RXRA: variants seen among roughly 807,000 people sequenced by gnomAD.
RXRA encodes retinoic acid receptor RXR-alpha.
A neutral mutation model predicts 44.5 loss-of-function variants in RXRA; 5 were observed. That is an observed-to-expected ratio of 0.11 (90% CI 0.06 to 0.24). The LOEUF is 0.24. Ranked by LOEUF, RXRA falls within the 10% of genes least tolerant of loss-of-function variation. The pLI is 1.00. For missense variants in RXRA, 412 were observed against 646.5 expected, an observed-to-expected ratio of 0.64 and a Z score of 3.93; for synonymous variants, 291 against 271.4, an observed-to-expected ratio of 1.07 and a Z score of -0.71.
At chr9:134,333,848 G>A (rs578085668) in intron 1 of RXRA, among the ~76,000 whole-genome samples, 1 of 152,292 alleles carries the variant, frequency 6.6e-6, no homozygotes, top group South Asian at 2.1e-4. Flanking sequence ...GGGCGCTCTC[G>A]GGCCTGGGCA....
intron 1 of RXRA, among the ~76,000 whole-genome samples, chr9:134,388,424 GT>G (rs1179442086): frequency 6.6e-6 from 1 of 152,220 alleles, no homozygotes; most frequent in Non-Finnish European, 1.5e-5. Flanking sequence ...TTGGGATGTT[GT>G]TCTGCTCTCA....
At chr9:134,413,894 C>T (rs1001682564) in intron 4 of RXRA, among the ~76,000 whole-genome samples, 2 of 152,154 alleles carry the variant, frequency 1.3e-5, no homozygotes, top group Non-Finnish European at 2.9e-5. Flanking sequence ...GACTGGGCTG[C>T]GGTGTGTGAG....
At chr9:134,380,339 G>A (rs1044605423) in intron 1 of RXRA, among the ~76,000 whole-genome samples, 2 of 152,102 alleles carry the variant, frequency 1.3e-5, no homozygotes, top group African/African-American at 4.8e-5. Context: ...GGTCCTGCCC[G>A]GGTTCTCCTG....
At chr9:134,336,959 C>G (rs1830016855) in intron 1 of RXRA, among the ~76,000 whole-genome samples, 2 of 152,218 alleles carry the variant, frequency 1.3e-5, no homozygotes, top group Admixed American at 1.3e-4. Flanking sequence ...GGGTCTGGGA[C>G]TGTCCTCGAG....
intron 1 of RXRA, among the ~76,000 whole-genome samples, chr9:134,333,238 C>G (rs1224635399): frequency 1.3e-5 from 2 of 152,164 alleles, no homozygotes; most frequent in East Asian, 1.9e-4. Context: ...CTGCACAGCC[C>G]ACATCTGTCT....
chr9:134,396,489 T>C (rs1259551870), intron 1 of RXRA, among the ~76,000 whole-genome samples: 1 of 152,036 alleles, frequency 6.6e-6, no homozygotes, highest in East Asian at 1.9e-4. Flanking sequence ...TGCTAGCTGC[T>C]TGCAACGGGG....
chr9:134,410,320 C>T (rs1464254776), intron 4 of RXRA, among the ~76,000 whole-genome samples: 6 of 152,188 alleles, frequency 3.9e-5, no homozygotes, highest in African/African-American at 9.7e-5. Context: ...GGAGTGCTGA[C>T]GTTTGCTCAG....
intron 8 of RXRA, among the ~76,000 whole-genome samples, chr9:134,432,754 G>T (rs867971959): frequency 4.6e-5 from 7 of 152,316 alleles, no homozygotes; most frequent in South Asian, 4.1e-4. Context: ...ACGGTTGGTC[G>T]AGGGTGCGGG....
intron 1 of RXRA, among the ~76,000 whole-genome samples, chr9:134,348,975 G>A (rs1364096612): frequency 1.3e-5 from 2 of 152,212 alleles, no homozygotes; most frequent in Non-Finnish European, 2.9e-5. Context: ...CGCCAGCTGG[G>A]CCTTGAGACT....
chr9:134,429,319 C>T, intron 7 of RXRA, 79 bp downstream of exon 7: 1 of 1,431,486 alleles, frequency 7.0e-7, no homozygotes, highest in Non-Finnish European at 9.6e-7. Context: ...CACCTTGGCC[C>T]CGGTGCACAT....
At chr9:134,429,033 C>G (rs1831483944) in intron 6 of RXRA, 75 bp from the exon 7 acceptor site, 2 of 1,574,560 alleles carry the variant, frequency 1.3e-6, no homozygotes, top group Non-Finnish European at 1.7e-6. Flanking sequence ...TCTGTAGGGT[C>G]CCACCAGGGG....
rs1329123048 is a variant in RXRA, at chr9:134,366,609, G to A, written c.29-35023G>A. Among the ~76,000 whole-genome samples, 1 of 152,144 alleles carries A rather than the reference G, an allele frequency of 6.6e-6. No individual in the cohort carries two copies. The highest frequency in any genetic ancestry group is 1.5e-5 in the Non-Finnish European group (1 of 68,012). On this transcript the variant is annotated intron_variant, in intron 1 of 9. Coordinates refer to ENST00000481739, the MANE Select transcript of RXRA (RefSeq NM_002957.6). The surrounding 1 kb of genome is among the most constrained non-coding windows in gnomAD (Gnocchi z 5.9). The stretch of plus-strand genomic sequence containing the variant: ...AGCCAGGGCTGGGGCAGGGAGGAAG[G>A]GCCCCTCCACTAGTGGGCTTTGGCC...
In RXRA at chr9:134,439,478, C is replaced by T. The variant is rs1046126331; in HGVS notation, c.*2864C>T. 2 of 152,316 alleles carry T rather than the reference C, an allele frequency of 1.3e-5. No homozygotes were observed. The highest frequency in any genetic ancestry group is 2.9e-5 in the Non-Finnish European group (2 of 68,110). The allele number at this position is 152,316 out of a possible 1,614,324, so 9.4% of individuals were successfully genotyped here. ...CCTGGGGCCTGTGTCAGCCGCCGGC[C>T]CTCCGCACCCTGGAAGCACACGGCC... is the stretch of plus-strand genomic sequence containing the variant. On this transcript the variant is annotated 3_prime_UTR_variant, in exon 10 of 10. Transcript: ENST00000481739.
rs1564291715 is a variant in RXRA, at chr9:134,415,649, C to T, written c.611-1509C>T. Among the ~76,000 whole-genome samples, 2 of 152,004 alleles carry T rather than the reference C, an allele frequency of 1.3e-5. 1 individual carries two copies. The highest frequency in any genetic ancestry group is 4.1e-4 in the South Asian group (2 of 4,826). ...CCATACCCTTGGGCCCTTAGGAGGGCACCATCCTAGGCCTCAGACCAGGAG... is the reference window on the plus strand; with the variant it reads ...CCATACCCTTGGGCCCTTAGGAGGGTACCATCCTAGGCCTCAGACCAGGAG... On this transcript the variant is annotated intron_variant, in intron 4 of 9. Coordinates refer to ENST00000481739, the MANE Select transcript of RXRA (RefSeq NM_002957.6).
At chr9:134,336,822 A>C (rs1564259154) in intron 1 of RXRA, among the ~76,000 whole-genome samples, 1 of 152,168 alleles carries the variant, frequency 6.6e-6, no homozygotes, top group Non-Finnish European at 1.5e-5. Context: ...GTTCCTTGCA[A>C]AGTTGATTTC....
At chr9:134,378,628 G>C (rs1174386977) in intron 1 of RXRA, among the ~76,000 whole-genome samples, 1 of 152,238 alleles carries the variant, frequency 6.6e-6, no homozygotes, top group Non-Finnish European at 1.5e-5. Context: ...GCCCCTGCCA[G>C]CCTCAGGACT....
At chr9:134,371,680 G>A (rs1185463305) in intron 1 of RXRA, among the ~76,000 whole-genome samples, 1 of 152,222 alleles carries the variant, frequency 6.6e-6, no homozygotes, top group East Asian at 1.9e-4. Context: ...GGCCCTTGGG[G>A]TATGGAGGAC....
chr9:134,366,272 G>A lies in RXRA; in HGVS notation c.29-35360G>A, dbSNP rs1830413556. The stretch of plus-strand genomic sequence containing the variant: ...GCCCGCTGGGTGGTCTCCCATGTGT[G>A]CCCAGGAGGAGTGCCACAGCCTCTC... On this transcript the variant is annotated intron_variant, in intron 1 of 9. Transcript: ENST00000481739. This position sits in a 1 kb window ranked among gnomAD's most constrained non-coding sequence, Gnocchi z 5.9. 6.6e-6 allele frequency among the ~76,000 whole-genome samples: 1 copy of A among 152,110 alleles called. No homozygotes were observed. The highest frequency in any genetic ancestry group is 1.5e-5 in the Non-Finnish European group (1 of 67,998).
At chr9:134,347,565 G>C (rs1256582885) in intron 1 of RXRA, among the ~76,000 whole-genome samples, 6 of 152,216 alleles carry the variant, frequency 3.9e-5, no homozygotes, top group African/African-American at 1.4e-4. Context: ...GGCTGGGGGA[G>C]GACGGCCAGG....
Sources: gnomAD v4.1 joint callset for allele counts (sites outside exome capture counted in the v4.1 genomes callset) on GRCh38, gnomAD v4.1.1 for gene constraint, Gnocchi (gnomAD v3.1) non-coding constraint, MANE v1.5 for transcripts, NCBI Gene and HGNC (gene_info 2026-07-23, HGNC 2026-07-21) for gene names.